The following MYO1B variants were observed in gnomAD, a reference collection of about 807,000 sequenced individuals.
MYO1B encodes myosin IB.
Under a neutral mutation model 159.7 loss-of-function variants are expected in MYO1B, and 72 were observed. The observed-to-expected ratio is 0.45, with a 90% confidence interval of 0.37 to 0.55. The LOEUF (loss-of-function observed/expected upper bound fraction) is 0.55. MYO1B is among the 20% of genes least tolerant of loss of function. The probability of loss-of-function intolerance (pLI) is 0.00; values close to 1 mark genes in which losing one functional copy is unlikely to be tolerated. For missense variants in MYO1B, 1,062 were observed against 1,364.8 expected, an observed-to-expected ratio of 0.78 and a Z score of 3.50; for synonymous variants, 468 against 473.8, an observed-to-expected ratio of 0.99 and a Z score of 0.16.
intron 1 of MYO1B, among the ~76,000 whole-genome samples, chr2:191,256,271 G>A (rs1331720119): frequency 6.6e-6 from 1 of 152,166 alleles, no homozygotes; most frequent in Admixed American, 6.5e-5. Flanking sequence ...CGGACCCTGG[G>A]CTTGTAGCTT....
intron 3 of MYO1B, among the ~76,000 whole-genome samples, chr2:191,301,717 C>A (rs147281501): frequency 6.6e-6 from 1 of 152,168 alleles, no homozygotes; most frequent in Non-Finnish European, 1.5e-5. Flanking sequence ...CTTGGTTAAG[C>A]GATACTCAGT....
chr2:191,360,751 G>GTGTTGTTGT (rs71403288), intron 8 of MYO1B, 22 bp downstream of exon 8: 146,673 of 1,115,454 alleles, frequency 0.13, 9,426 homozygotes, highest in South Asian at 0.16. Flanking sequence ...TTTCTATGTG[G>GTGTTGTTGT]TGTTGTTGTT....
chr2:191,326,815 T>TGTGTGTGTGCGC (rs1193696593), intron 3 of MYO1B, among the ~76,000 whole-genome samples: 50 of 143,982 alleles, frequency 3.5e-4, no homozygotes, highest in Middle Eastern at 7.1e-3. Flanking sequence ...TGTGTGTGTG[T>TGTGTGTGTGCGC]GCGCGCGCCA....
chr2:191,374,196 A>T (rs188798663), intron 13 of MYO1B, among the ~76,000 whole-genome samples: 39 of 152,366 alleles, frequency 2.6e-4, no homozygotes, highest in Admixed American at 2.2e-3. Flanking sequence ...TAAGAACTTT[A>T]AAGTACTGCA....
intron 1 of MYO1B, among the ~76,000 whole-genome samples, chr2:191,259,078 C>G (rs4853462): frequency 6.6e-6 from 1 of 152,048 alleles, no homozygotes; most frequent in Admixed American, 6.5e-5. Flanking sequence ...CCAGCTTTAC[C>G]GTTTGCTGTC....
intron 2 of MYO1B, among the ~76,000 whole-genome samples, chr2:191,294,977 T>C (rs998838842): frequency 1.3e-5 from 2 of 152,186 alleles, no homozygotes; most frequent in African/African-American, 4.8e-5. Flanking sequence ...CCAGTGGTGG[T>C]AATACTGGAA....
chr2:191,400,603 A>G (rs2126134417), intron 22 of MYO1B, 135 bp downstream of exon 22: 1 of 1,349,334 alleles, frequency 7.4e-7, no homozygotes. Flanking sequence ...GCTCTTTCCA[A>G]CATTTTGTTG....
intron 1 of MYO1B, among the ~76,000 whole-genome samples, chr2:191,258,123 G>A (rs1435211603): frequency 2.0e-5 from 3 of 151,874 alleles, no homozygotes; most frequent in South Asian, 2.1e-4. Flanking sequence ...TTGTCATTGC[G>A]CAAACACCAC....
At chr2:191,423,203 G>A (rs1430817529) in intron 30 of MYO1B, among the ~76,000 whole-genome samples, 1 of 152,182 alleles carries the variant, frequency 6.6e-6, no homozygotes, top group Non-Finnish European at 1.5e-5. Context: ...AACGTAGATG[G>A]TATAGCCTAC....
chr2:191,336,187 G>T (rs1691825680), intron 4 of MYO1B, among the ~76,000 whole-genome samples: 1 of 152,128 alleles, frequency 6.6e-6, no homozygotes, highest in African/African-American at 2.4e-5. Flanking sequence ...TAATTTTACA[G>T]TTACATCAGT....
Position 191,424,973 on chromosome 2 carries a change from G to C in MYO1B, c.*1013G>C, listed in dbSNP as rs766308550. On this transcript the variant is annotated 3_prime_UTR_variant, in exon 31 of 31. Transcript: ENST00000392318. The stretch of plus-strand genomic sequence containing the variant: ...GTATGAGAAAGGTGATTGGTACAGG[G>C]TGCCTATTTTAGTCATGGATCAAAA... 2 of 152,484 alleles carry C rather than the reference G, an allele frequency of 1.3e-5. No individual in the cohort carries two copies. Among genetic ancestry groups the C allele is most frequent in the Admixed American group, 6.6e-5 (1 of 15,264 alleles). 9.4% of individuals were successfully genotyped at this position (152,484 alleles called of 1,614,324 possible).
chr2:191,404,486 TCTC>T (rs1447237201), intron 24 of MYO1B, among the ~76,000 whole-genome samples: 7 of 152,232 alleles, frequency 4.6e-5, no homozygotes, highest in Non-Finnish European at 8.8e-5. Flanking sequence ...ACATTTTTCT[TCTC>T]CTTGTCCCTT....
chr2:191,313,191 G>C (rs1162227023), intron 3 of MYO1B, among the ~76,000 whole-genome samples: 4 of 63,732 alleles, frequency 6.3e-5, no homozygotes, highest in African/African-American at 2.1e-4. Context: ...GGCACACATG[G>C]CTTTTTTTTT....
At chr2:191,308,839 C>T (rs1332078986) in intron 3 of MYO1B, among the ~76,000 whole-genome samples, 1 of 152,200 alleles carries the variant, frequency 6.6e-6, no homozygotes, top group Non-Finnish European at 1.5e-5. Flanking sequence ...CATTTGACAA[C>T]ATGACCAGCT....
At chr2:191,376,642 CA>C in intron 13 of MYO1B, among the ~76,000 whole-genome samples, 1 of 152,234 alleles carries the variant, frequency 6.6e-6, no homozygotes, top group East Asian at 1.9e-4. Context: ...GACCTCAAAT[CA>C]AAGTGCTGAA....
At chr2:191,262,915 G>A (rs1019681003) in intron 1 of MYO1B, 2 of 152,132 alleles carry the variant, frequency 1.3e-5, no homozygotes, top group African/African-American at 2.4e-5. Flanking sequence ...AAACAGAAAT[G>A]TTCATCTCTA....
At chr2:191,398,683 A>G (rs967900909) in intron 21 of MYO1B, among the ~76,000 whole-genome samples, 1 of 148,566 alleles carries the variant, frequency 6.7e-6, no homozygotes, top group Non-Finnish European at 1.5e-5. Flanking sequence ...TCAGGCAGAG[A>G]TGCTCCTCAC....
intron 4 of MYO1B, among the ~76,000 whole-genome samples, chr2:191,331,684 T>C (rs895540158): frequency 7.9e-5 from 12 of 152,346 alleles, no homozygotes; most frequent in African/African-American, 2.6e-4. Flanking sequence ...CTTGCCCTTA[T>C]CACATTTCGT....
intron 7 of MYO1B, among the ~76,000 whole-genome samples, chr2:191,359,140 A>T (rs892183982): frequency 6.6e-6 from 1 of 152,158 alleles, no homozygotes; most frequent in Non-Finnish European, 1.5e-5. Context: ...CAGTCACATG[A>T]TAAGTAAAAT....
Sources: allele counts gnomAD v4.1 joint callset (sites outside exome capture counted in the v4.1 genomes callset), GRCh38; gene constraint gnomAD v4.1.1; transcripts MANE v1.5; gene names NCBI Gene and HGNC (gene_info 2026-07-23, HGNC 2026-07-21).